The following STAT4 variants were observed in gnomAD, a reference collection of about 807,000 sequenced individuals.
STAT4 encodes signal transducer and activator of transcription 4.
In STAT4, 42 loss-of-function variants were observed where a neutral mutation model predicts 110.5. The ratio of observed to expected loss-of-function variants is 0.38; its 90% CI spans 0.30 to 0.49. The LOEUF is 0.49. Ranked by LOEUF, STAT4 falls within the 20% of genes least tolerant of loss-of-function variation. The probability of loss-of-function intolerance (pLI) is 0.95; values close to 1 mark genes in which losing one functional copy is unlikely to be tolerated. For missense variants in STAT4, 632 were observed against 887.9 expected (o/e 0.71, Z 3.66); for synonymous variants, 284 against 302.2 (o/e 0.94, Z 0.63).
In STAT4 at chr2:191,039,353, C is replaced by G. The variant is rs1696126766; in HGVS notation, c.1336-56G>C. On this transcript the variant is annotated intron_variant, in intron 15 of 23. Coordinates refer to ENST00000392320, the MANE Select transcript of STAT4 (RefSeq NM_003151.4). The surrounding 1 kb of genome is among the most constrained non-coding windows in gnomAD (Gnocchi z 4.7). ...ACAGGTAGTCCCACCTTACATTGAT[C>G]TTATGCTTGACCCTCGCCTCTAAAG... is the stretch of plus-strand genomic sequence containing the variant. The G allele has an allele frequency of 4.6e-6, 7 of 1,510,962 alleles. No individual in the cohort carries two copies. The highest frequency in any genetic ancestry group is 6.4e-6 in the Non-Finnish European group (7 of 1,086,818). The allele number at this position is 1,510,962 out of a possible 1,614,324, so 93.6% of individuals were successfully genotyped here.
At chr2:191,125,199 C>A (rs1408954094) in intron 3 of STAT4, among the ~76,000 whole-genome samples, 1 of 152,118 alleles carries the variant, frequency 6.6e-6, no homozygotes, top group Non-Finnish European at 1.5e-5. Flanking sequence ...TACAGATTAT[C>A]TTCCCATTCC....
At chr2:191,089,353 G>C (rs1697730289) in intron 3 of STAT4, among the ~76,000 whole-genome samples, 1 of 152,098 alleles carries the variant, frequency 6.6e-6, no homozygotes, top group Admixed American at 6.5e-5. Context: ...AAATAACAAT[G>C]AGATACTGCA....
rs564402684 is a variant in STAT4 at position 191,052,076 on chromosome 2, C to T, written c.1251+2414G>A. On this transcript the variant is annotated intron_variant, in intron 14 of 23. Transcript: ENST00000392320. ...TTTTTGAAACTTGAAAACGAGGTTA[C>T]GATATTCTAGCTTCCTGTTTTCCTG... Among the ~76,000 whole-genome samples, 6 of 152,300 alleles carry T rather than the reference C, an allele frequency of 3.9e-5. No individual in the cohort carries two copies. In the South Asian group the frequency reaches 8.3e-4, roughly 21 times the overall value.
At chr2:191,131,715 AT>A in intron 3 of STAT4, 1 of 1,212,932 alleles carries the variant, frequency 8.2e-7, no homozygotes, top group Non-Finnish European at 1.0e-6. Flanking sequence ...AAAAGCCAGA[AT>A]TCTCCGATGT....
At chr2:191,047,031 G>A (rs904782285) in intron 14 of STAT4, among the ~76,000 whole-genome samples, 1 of 152,156 alleles carries the variant, frequency 6.6e-6, no homozygotes, top group Non-Finnish European at 1.5e-5. Context: ...GGGATTGAAA[G>A]TTGAATTCAC....
At chr2:191,124,022 T>C (rs1031237180) in intron 3 of STAT4, among the ~76,000 whole-genome samples, 4 of 152,182 alleles carry the variant, frequency 2.6e-5, no homozygotes, top group African/African-American at 9.7e-5. Context: ...GCAAGGAAAA[T>C]CTTAAAATCT....
rs971786487 is a variant in STAT4, at chr2:191,110,902, G to A, written c.274-34577C>T. On this transcript the variant is annotated intron_variant, in intron 3 of 23. Coordinates refer to ENST00000392320, the MANE Select transcript of STAT4 (RefSeq NM_003151.4). This position sits in a 1 kb window ranked among gnomAD's most constrained non-coding sequence, Gnocchi z 4.5. ...GGGTTCAAGCGATTCCCCTGCCTCAGCCTCCTGAGTTGCCGGGATTACAGG... is the reference window on the plus strand; with the variant it reads ...GGGTTCAAGCGATTCCCCTGCCTCAACCTCCTGAGTTGCCGGGATTACAGG... Among the ~76,000 whole-genome samples, 1 of 152,042 alleles carries A rather than the reference G, an allele frequency of 6.6e-6. No individual in the cohort carries two copies. Among genetic ancestry groups the A allele is most frequent in the African/African-American group, 2.4e-5 (1 of 41,402 alleles).
chr2:191,119,919 A>C (rs558004894), intron 3 of STAT4, among the ~76,000 whole-genome samples: 1 of 152,346 alleles, frequency 6.6e-6, no homozygotes, highest in East Asian at 1.9e-4. Flanking sequence ...TGATCATTTC[A>C]AGAAATGGCT....
chr2:191,078,610 A>G (rs2125275093), intron 3 of STAT4, among the ~76,000 whole-genome samples: 1 of 152,290 alleles, frequency 6.6e-6, no homozygotes, highest in Admixed American at 6.5e-5. Flanking sequence ...TTTACCTTTC[A>G]GCAGTTACTA....
At chr2:191,136,246 T>A (rs984913671) in intron 3 of STAT4, among the ~76,000 whole-genome samples, 2 of 152,150 alleles carry the variant, frequency 1.3e-5, no homozygotes, top group African/African-American at 4.8e-5. Context: ...TACTTCAACA[T>A]AAAAAGGCCA....
At chr2:191,141,531 T>C (rs59952848) in intron 3 of STAT4, among the ~76,000 whole-genome samples, 1 of 146,118 alleles carries the variant, frequency 6.8e-6, no homozygotes, top group Non-Finnish European at 1.5e-5. Context: ...ATATCACATA[T>C]ACATATATGA....
intron 3 of STAT4, among the ~76,000 whole-genome samples, chr2:191,093,856 G>A (rs1697879903): frequency 1.3e-5 from 2 of 152,062 alleles, no homozygotes; most frequent in South Asian, 2.1e-4. Context: ...AAGATTAGAC[G>A]AATGGCTAAC....
intron 14 of STAT4, among the ~76,000 whole-genome samples, chr2:191,047,107 A>G (rs1696374330): frequency 6.6e-6 from 1 of 152,204 alleles, no homozygotes; most frequent in Non-Finnish European, 1.5e-5. Flanking sequence ...TAAAAACCTC[A>G]AAGAACAGAT....
Position 191,061,687 on chromosome 2 carries a change from G to T in STAT4, c.1034+42C>A. On this transcript the variant is annotated intron_variant, in intron 10 of 23. Coordinates refer to ENST00000392320, the MANE Select transcript of STAT4 (RefSeq NM_003151.4). This position sits in a 1 kb window ranked among gnomAD's most constrained non-coding sequence, Gnocchi z 6.2. ...TGGCCTTGATCATCCAGAGACTATAGCTCCACAAACACACGAAATAGTAGA... is the reference window on the plus strand; with the variant it reads ...TGGCCTTGATCATCCAGAGACTATATCTCCACAAACACACGAAATAGTAGA... 6.4e-7 allele frequency: 1 copy of T among 1,569,502 alleles called. No individual in the cohort carries two copies. Among genetic ancestry groups the T allele is most frequent in the Non-Finnish European group, 8.8e-7 (1 of 1,139,486 alleles).
chr2:191,033,607 T>A lies in STAT4; in HGVS notation c.1735A>T (p.Ser579Cys). The change falls in exon 20 of 24, where the codon AGC (serine) becomes TGC (cysteine). Residue 579 changes from serine to cysteine, a missense_variant. Transcript: ENST00000392320. This position sits in a 1 kb window ranked among gnomAD's most constrained non-coding sequence, Gnocchi z 6.9. ...AGCAACAGCCGTTCCTTCTCTTTGC[T>A]AACAAAGCCCATGACATACCTAAAA... ...WIDGYVMGFV[S>C]KEKERLLLKD... 6.2e-7 allele frequency: 1 copy of A among 1,613,916 alleles called. No individual in the cohort carries two copies. The highest frequency in any genetic ancestry group is 8.5e-7 in the Non-Finnish European group (1 of 1,179,938).
At position 191,033,498 on chromosome 2, in the gene STAT4, G is replaced by T; in HGVS notation, c.1844C>A (p.Ser615Tyr). 2 of 1,610,952 alleles carry T rather than the reference G, an allele frequency of 1.2e-6. No individual in the cohort carries two copies. The highest frequency in any genetic ancestry group is 8.5e-7 in the Non-Finnish European group (1 of 1,179,186). ...CATTAGTGAGTATATACCACTTTCA[G>T]AATGGTCCACCCAGGTGAAAGTTAT... ...GGITFTWVDH[S>Y]ESGEVRFHSV... is the part of the protein sequence containing the mutation. Residue 615 changes from serine to tyrosine, a missense_variant, in exon 20 of 24, where the codon TCT becomes TAT. Ser to Tyr is a moderately radical substitution (Grantham distance 144). Around this residue, in one of 4 missense-constraint regions of STAT4, gnomAD observed 74 missense variants for 154.3 expected, o/e 0.48. Transcript: ENST00000392320. This position sits in a 1 kb window ranked among gnomAD's most constrained non-coding sequence, Gnocchi z 6.9.
intron 3 of STAT4, among the ~76,000 whole-genome samples, chr2:191,141,566 A>T (rs1699333882): frequency 6.9e-6 from 1 of 144,512 alleles, no homozygotes; most frequent in Admixed American, 7.2e-5. Flanking sequence ...TATATACCAT[A>T]TATGATATAT....
chr2:191,066,285 G>A lies in STAT4; in HGVS notation c.630+145C>T, dbSNP rs953288774. 3.3e-5 allele frequency: 23 copies of A among 693,552 alleles called. No homozygotes were observed. The highest frequency in any genetic ancestry group is 2.0e-4 in the South Asian group (11 of 55,516). The allele number at this position is 693,552 out of a possible 1,614,324, so 43.0% of individuals were successfully genotyped here. A position where few individuals can be genotyped will look rare whatever the true frequency, so the allele number is the denominator to read the frequency against. ...CATGAAGAGAAGCATGGCAAACAGC[G>A]TGGGACTGTTCCTAGAAACCTTGCC... On this transcript the variant is annotated intron_variant, in intron 7 of 23. Coordinates refer to ENST00000392320, the MANE Select transcript of STAT4 (RefSeq NM_003151.4). This position sits in a 1 kb window ranked among gnomAD's most constrained non-coding sequence, Gnocchi z 4.3.
Position 191,059,332 on chromosome 2 carries a change from AAGTTC to A in STAT4, c.1035-568_1035-564del, listed in dbSNP as rs1409633787. Among the ~76,000 whole-genome samples, 1 of 152,198 alleles carries A rather than the reference AAGTTC, an allele frequency of 6.6e-6. No individual in the cohort carries two copies. Among genetic ancestry groups the A allele is most frequent in the African/African-American group, 2.4e-5 (1 of 41,442 alleles). On this transcript the variant is annotated intron_variant, in intron 10 of 23. Transcript: ENST00000392320. The surrounding 1 kb of genome is among the most constrained non-coding windows in gnomAD (Gnocchi z 4.7). ...CAAACTTCAAATGAACAAGTAATTG[AAGTTC>A]AGTATAAAAATTCCTTTAATTCCTT...
Sources: gnomAD v4.1 joint callset for allele counts (sites outside exome capture counted in the v4.1 genomes callset) on GRCh38, gnomAD v4.1.1 for gene constraint, gnomAD v4.1.1 regional missense constraint, Gnocchi (gnomAD v3.1) non-coding constraint, MANE v1.5 for transcripts, NCBI Gene and HGNC (gene_info 2026-07-23, HGNC 2026-07-21) for gene names.